The following UBR4 variants were observed in gnomAD, a reference collection of about 807,000 sequenced individuals.
UBR4 encodes E3 ubiquitin-protein ligase UBR4.
In UBR4, 124 loss-of-function variants were observed where a neutral mutation model predicts 575.6. That is an observed-to-expected ratio of 0.22 (90% CI 0.19 to 0.25). The LOEUF is 0.25. Ranked by LOEUF, UBR4 falls within the 10% of genes least tolerant of loss-of-function variation. The pLI is 1.00. For missense variants in UBR4, 4,818 were observed against 6,478.8 expected (o/e 0.74, Z 8.80); for synonymous variants, 2,455 against 2,473.7 (o/e 0.99, Z 0.22).
Position 19,093,276 on chromosome 1 carries a change from GA to G in UBR4, c.14111+36del, listed in dbSNP as rs775906252. The G allele has an allele frequency of 6.2e-7, 1 of 1,603,286 alleles. No homozygotes were observed. On this transcript the variant is annotated intron_variant, in intron 96 of 105. Transcript: ENST00000375254. The surrounding 1 kb of genome is among the most constrained non-coding windows in gnomAD (Gnocchi z 4.8). ...GAGAAGGAAAAGGAAAGGGCAAAGC[GA>G]AGGCAAAGCAGCCCCGCTGCGGGAG...
At chr1:19,155,395 A>G in intron 43 of UBR4, 46 bp downstream of exon 43, 2 of 1,552,882 alleles carry the variant, frequency 1.3e-6, no homozygotes, top group Non-Finnish European at 1.8e-6. Context: ...GGAGTTGCTA[A>G]ATAATTAAAT....
chr1:19,184,049 T>C lies in UBR4; in HGVS notation c.2065A>G (p.Ile689Val), dbSNP rs1336117050. The change falls in exon 16 of 106, where the codon ATC becomes GTC. Residue 689 changes from isoleucine to valine, a missense_variant. Around this residue, in one of 29 missense-constraint regions of UBR4, gnomAD observed 1,172 missense variants for 1,259.7 expected, o/e 0.93. Transcript: ENST00000375254. ...SEHHMATLAS[I>V]IKEVDKDGLK... ...CCATCTTTGTCCACCTCCTTGATGA[T>C]ACTGGCTAGGGTGGCCATATGGTGT... 6.2e-7 allele frequency: 1 copy of C among 1,614,066 alleles called. No individual in the cohort carries two copies. The highest frequency in any genetic ancestry group is 1.3e-5 in the African/African-American group (1 of 74,932).
At chr1:19,177,866 G>GA (rs1053011533) in intron 18 of UBR4, 123 bp from the exon 19 acceptor site, 49 of 1,184,286 alleles carry the variant, frequency 4.1e-5, no homozygotes, top group Non-Finnish European at 5.0e-5. Flanking sequence ...AATTAAGGAA[G>GA]AAAAAAAGGC....
At chr1:19,165,195 T>C (rs2150671272) in intron 31 of UBR4, 54 bp downstream of exon 31, 1 of 1,536,240 alleles carries the variant, frequency 6.5e-7, no homozygotes, top group Middle Eastern at 1.7e-4. Context: ...ATATGCACAG[T>C]ATTAGCCGGA....
intron 81 of UBR4, among the ~76,000 whole-genome samples, chr1:19,109,777 T>A (rs2079636096): frequency 6.6e-6 from 1 of 152,258 alleles, no homozygotes; most frequent in South Asian, 2.1e-4. Context: ...CAGCACTGCA[T>A]GTGCAAAGGC....
In UBR4 at chr1:19,173,550, A is replaced by T; in HGVS notation, c.3054T>A (p.Thr1018=). ...AGTTCATGGATAGCTGGTTAATGTAAGTCTTTGATGGTGGTAAAATTCCTA... is the reference window on the plus strand; with the variant it reads ...AGTTCATGGATAGCTGGTTAATGTATGTCTTTGATGGTGGTAAAATTCCTA... ...RILGILPPSK[T]YINQLSMNSP... Residue 1018 remains threonine (T), a synonymous_variant, in exon 23 of 106, where the codon ACT becomes ACA. Transcript: ENST00000375254. 6.2e-7 allele frequency: 1 copy of T among 1,614,196 alleles called. No individual in the cohort carries two copies. The highest frequency in any genetic ancestry group is 1.1e-5 in the South Asian group (1 of 91,082).
chr1:19,076,921 G>A lies in UBR4; in HGVS notation c.15325-19C>T. On this transcript the variant is annotated intron_variant, in intron 104 of 105. Transcript: ENST00000375254. ...GCACCTTCTACGAGAATCAACAGGA[G>A]ACAAGAGAGGTGGGTGACTTACTGC... 6.5e-7 allele frequency: 1 copy of A among 1,530,078 alleles called. No homozygotes were observed. The highest frequency in any genetic ancestry group is 2.3e-5 in the East Asian group (1 of 43,500). 94.8% of individuals were successfully genotyped at this position (1,530,078 alleles called of 1,614,324 possible). A position where few individuals can be genotyped will look rare whatever the true frequency, so the allele number is the denominator to read the frequency against.
chr1:19,140,749 C>T, intron 58 of UBR4, 39 bp downstream of exon 58: 1 of 1,590,146 alleles, frequency 6.3e-7, no homozygotes, highest in Non-Finnish European at 8.6e-7. Context: ...CCTGAGGGTC[C>T]TGGGGCCCTG....
At chr1:19,144,962 T>C in intron 53 of UBR4, 55 bp from the exon 54 acceptor site, 3 of 1,602,786 alleles carry the variant, frequency 1.9e-6, no homozygotes, top group Non-Finnish European at 2.6e-6. Flanking sequence ...TCTAACTACT[T>C]GAGAGTCTGA....
At chr1:19,090,462 C>G (rs889870456) in intron 97 of UBR4, among the ~76,000 whole-genome samples, 1 of 152,174 alleles carries the variant, frequency 6.6e-6, no homozygotes, top group African/African-American at 2.4e-5. Context: ...GCCTCGCCTC[C>G]GACTGCAGCT....
At chr1:19,185,573 CTTTTTTTTT>C (rs3068081) in intron 14 of UBR4, among the ~76,000 whole-genome samples, 4 of 128,634 alleles carry the variant, frequency 3.1e-5, no homozygotes, top group Non-Finnish European at 4.8e-5. Flanking sequence ...TTTCTTTTTT[CTTTTTTTTT>C]TTTTTTTTTG....
chr1:19,115,272 T>C (rs1391684373), intron 74 of UBR4, 126 bp downstream of exon 74: 35 of 1,405,736 alleles, frequency 2.5e-5, no homozygotes, highest in Non-Finnish European at 3.2e-5. Context: ...GAACCCACTC[T>C]ACAAACCCAT....
At chr1:19,200,507 C>T (rs1193161741) in intron 2 of UBR4, among the ~76,000 whole-genome samples, 1 of 151,696 alleles carries the variant, frequency 6.6e-6, no homozygotes, top group South Asian at 2.1e-4. Context: ...TGGATCACTT[C>T]GGGAGGCTGA....
At chr1:19,160,482 C>G (rs2087150426) in intron 38 of UBR4, among the ~76,000 whole-genome samples, 2 of 152,178 alleles carry the variant, frequency 1.3e-5, no homozygotes, top group Admixed American at 1.3e-4. Flanking sequence ...AACTCCAGAG[C>G]AATCTTTCTA....
rs2075984756 is a variant in UBR4, at chr1:19,076,756, C to T, written c.15471G>A (p.Glu5157=). ...EEFMPVETFS[E]FLDVAGLLSE... ...GACACTAACCGGCCACATCGAGGAACTCTGAGAAGGTCTCCACTGGCATGA... is the reference window on the plus strand; with the variant it reads ...GACACTAACCGGCCACATCGAGGAATTCTGAGAAGGTCTCCACTGGCATGA... The change falls in exon 105 of 106, where the codon GAG becomes GAA. Residue 5157 remains glutamate, a synonymous_variant. Coordinates refer to ENST00000375254, the MANE Select transcript of UBR4 (RefSeq NM_020765.3). 6.2e-7 allele frequency: 1 copy of T among 1,614,066 alleles called. No individual in the cohort carries two copies. Among genetic ancestry groups the T allele is most frequent in the Non-Finnish European group, 8.5e-7 (1 of 1,180,040 alleles).
In UBR4 at chr1:19,086,142, C is replaced by G. The variant is rs1189802231; in HGVS notation, c.14813+3G>C. 1.2e-6 allele frequency: 2 copies of G among 1,613,652 alleles called. No individual in the cohort carries two copies. The highest frequency in any genetic ancestry group is 1.3e-5 in the African/African-American group (1 of 74,930). ...TCCACCATGAAAAATACTCAACACT[C>G]ACCTTGCCAAGCAAGTGGCAAAAGC... On this transcript the variant is annotated splice_donor_region_variant and intron_variant, in intron 101 of 105. Coordinates refer to ENST00000375254, the MANE Select transcript of UBR4 (RefSeq NM_020765.3).
chr1:19,168,205 T>C, intron 27 of UBR4, 21 bp from the exon 28 acceptor site: 4 of 1,546,808 alleles, frequency 2.6e-6, no homozygotes, highest in Non-Finnish European at 3.5e-6. Context: ...GCAAAGCAGA[T>C]GTAAATGGAT....
chr1:19,110,892 C>T lies in UBR4; in HGVS notation c.11802-60G>A. The T allele has an allele frequency of 1.3e-6, 2 of 1,518,108 alleles. No individual in the cohort carries two copies. The highest frequency in any genetic ancestry group is 1.8e-6 in the Non-Finnish European group (2 of 1,108,006). The allele number at this position is 1,518,108 out of a possible 1,614,324, so 94.0% of individuals were successfully genotyped here. A position where few individuals can be genotyped will look rare whatever the true frequency, so the allele number is the denominator to read the frequency against. On this transcript the variant is annotated intron_variant, in intron 78 of 105. Transcript: ENST00000375254. The surrounding 1 kb of genome is among the most constrained non-coding windows in gnomAD (Gnocchi z 4.5). ...CACAATCAGGTGTGACACTCCTTTC[C>T]ACCTGAAGGGGCCCAGGGAAAATGA...
rs781087671 is a variant in UBR4, at chr1:19,153,879, G to A, written c.6519C>T (p.His2173=). 8.7e-6 allele frequency: 14 copies of A among 1,614,182 alleles called. No individual in the cohort carries two copies. The highest frequency in any genetic ancestry group is 1.1e-5 in the Non-Finnish European group (13 of 1,180,008). ...GCTGGACACAGCACACCAAGCCAGG[G>A]TGGTTCATCACCTCAGACCACTGGC... The part of the protein sequence containing the change: ...ALCQWSEVMN[H]PGLVCCVQQT... The change falls in exon 45 of 106, where the codon CAC becomes CAT. Residue 2173 remains histidine, a synonymous_variant. Transcript: ENST00000375254. The surrounding 1 kb of genome is among the most constrained non-coding windows in gnomAD (Gnocchi z 4.1).
Sources: allele counts gnomAD v4.1 joint callset (sites outside exome capture counted in the v4.1 genomes callset), GRCh38; gene constraint gnomAD v4.1.1; regional missense constraint gnomAD v4.1.1; non-coding constraint Gnocchi (gnomAD v3.1); transcripts MANE v1.5; gene names NCBI Gene and HGNC (gene_info 2026-07-23, HGNC 2026-07-21).